Variants in ZFAND3 observed in about 807,000 individuals in gnomAD.
ZFAND3 encodes AN1-type zinc finger protein 3.
Under a neutral mutation model 29.6 loss-of-function variants are expected in ZFAND3, and 10 were observed. The ratio of observed to expected loss-of-function variants is 0.34; its 90% confidence interval spans 0.21 to 0.57. The LOEUF is 0.57. Among genes scored for constraint, ZFAND3 ranks in the 20% least tolerant of loss-of-function variants. ZFAND3 has a pLI of 0.86. For synonymous variants in ZFAND3, 128 were observed against 112.6 expected (o/e 1.14, Z -0.87); for missense variants, 230 against 304.5 (o/e 0.76, Z 1.82).
intron 1 of ZFAND3, among the ~76,000 whole-genome samples, chr6:37,896,255 AAAC>A (rs1765201067): frequency 6.6e-6 from 1 of 152,050 alleles, no homozygotes; most frequent in Non-Finnish European, 1.5e-5. Flanking sequence ...GTTTTACAAA[AAAC>A]CGTGGATGAA....
chr6:38,106,923 A>G (rs1765222518), intron 4 of ZFAND3, among the ~76,000 whole-genome samples: 1 of 152,204 alleles, frequency 6.6e-6, no homozygotes, highest in African/African-American at 2.4e-5. Context: ...AACTGGGAAT[A>G]TTATTGCACT....
chr6:37,878,537 G>T (rs546182233), intron 1 of ZFAND3, among the ~76,000 whole-genome samples: 1 of 152,170 alleles, frequency 6.6e-6, no homozygotes, highest in Non-Finnish European at 1.5e-5. Context: ...GCTTGGCATA[G>T]CCCTGCCCCT....
chr6:37,874,037 T>G (rs1046066960), intron 1 of ZFAND3, among the ~76,000 whole-genome samples: 1 of 152,192 alleles, frequency 6.6e-6, no homozygotes, highest in Non-Finnish European at 1.5e-5. Context: ...AACAGAAATT[T>G]ATTGTCTCAT....
At chr6:38,137,775 T>C (rs1765870314) in intron 5 of ZFAND3, among the ~76,000 whole-genome samples, 2 of 150,864 alleles carry the variant, frequency 1.3e-5, no homozygotes, top group Admixed American at 6.6e-5. Flanking sequence ...ATTCAGAGAG[T>C]TGGGAGAGCA....
chr6:38,091,972 A>C (rs1321274892), intron 4 of ZFAND3, among the ~76,000 whole-genome samples: 1 of 152,094 alleles, frequency 6.6e-6, no homozygotes, highest in East Asian at 1.9e-4. Flanking sequence ...TCTTGCTGCT[A>C]GCTTCCAAGA....
intron 3 of ZFAND3, among the ~76,000 whole-genome samples, chr6:38,063,780 A>C (rs1307776101): frequency 6.6e-6 from 1 of 152,238 alleles, no homozygotes; most frequent in Non-Finnish European, 1.5e-5. Flanking sequence ...GACTTGAGAC[A>C]GTAGCCATGT....
Position 37,869,653 on chromosome 6 carries a change from C to T in ZFAND3, c.71+49637C>T, listed in dbSNP as rs118160865. 5.9e-5 allele frequency among the ~76,000 whole-genome samples: 9 copies of T among 151,614 alleles called. No individual in the cohort carries two copies. In the East Asian group the frequency reaches 1.8e-3, roughly 30 times the overall value. ...ACTCCTGAGTAGCTGGGACTACAGGCGCACACCATTGTGCCTGGCTATTAA... is the reference window on the plus strand; with the variant it reads ...ACTCCTGAGTAGCTGGGACTACAGGTGCACACCATTGTGCCTGGCTATTAA... On this transcript the variant is annotated intron_variant, in intron 1 of 5. Coordinates refer to ENST00000287218, the MANE Select transcript of ZFAND3 (RefSeq NM_021943.3).
chr6:37,888,353 T>G (rs1204743266), intron 1 of ZFAND3, among the ~76,000 whole-genome samples: 1 of 152,190 alleles, frequency 6.6e-6, no homozygotes, highest in Non-Finnish European at 1.5e-5. Context: ...CTGAAGTAGT[T>G]TAATGAAGTC....
intron 1 of ZFAND3, among the ~76,000 whole-genome samples, chr6:37,881,560 C>T (rs1054441830): frequency 6.6e-6 from 1 of 152,180 alleles, no homozygotes; most frequent in African/African-American, 2.4e-5. Context: ...AATCTTTAAT[C>T]TCTCCACAGG....
At chr6:38,050,386 T>C (rs1178680768) in intron 2 of ZFAND3, among the ~76,000 whole-genome samples, 1 of 152,092 alleles carries the variant, frequency 6.6e-6, no homozygotes, top group East Asian at 1.9e-4. Context: ...CCAGGTGATA[T>C]GGTTTGGCTG....
intron 5 of ZFAND3, among the ~76,000 whole-genome samples, chr6:38,142,540 G>C (rs1765984454): frequency 6.6e-6 from 1 of 152,224 alleles, no homozygotes; most frequent in African/African-American, 2.4e-5. Flanking sequence ...GTAGGAGACT[G>C]CTCTGTTTGA....
At chr6:37,998,497 A>G (rs12208155) in intron 2 of ZFAND3, among the ~76,000 whole-genome samples, 2,874 of 152,036 alleles carry the variant, frequency 0.019, 35 homozygotes, top group Non-Finnish European at 0.028. Flanking sequence ...TGTTTTAAAA[A>G]CAGACTATTA....
At chr6:38,028,455 A>C (rs1763489580) in intron 2 of ZFAND3, among the ~76,000 whole-genome samples, 1 of 151,812 alleles carries the variant, frequency 6.6e-6, no homozygotes, top group Non-Finnish European at 1.5e-5. Flanking sequence ...GTGTCTTATC[A>C]CAACCTTGGT....
chr6:37,896,534 C>CTTTCTTTCTTTCTT (rs1765211715), intron 1 of ZFAND3, among the ~76,000 whole-genome samples: 1 of 119,648 alleles, frequency 8.4e-6, no homozygotes, highest in Non-Finnish European at 1.7e-5. Context: ...TTCTTTCTTT[C>CTTTCTTTCTTTCTT]TTTCTTTCTT....
chr6:37,883,216 CTT>C (rs2127392872), intron 1 of ZFAND3, among the ~76,000 whole-genome samples: 1 of 152,272 alleles, frequency 6.6e-6, no homozygotes, highest in South Asian at 2.1e-4. Context: ...GAATGAGACT[CTT>C]TTTGTACAAA....
intron 1 of ZFAND3, among the ~76,000 whole-genome samples, chr6:37,905,850 A>G (rs1434829974): frequency 1.3e-5 from 2 of 152,216 alleles, no homozygotes; most frequent in South Asian, 4.1e-4. Flanking sequence ...AATTCAAAAA[A>G]AGTTGCTAGC....
At chr6:38,039,218 T>G (rs1763714794) in intron 2 of ZFAND3, among the ~76,000 whole-genome samples, 1 of 152,202 alleles carries the variant, frequency 6.6e-6, no homozygotes, top group South Asian at 2.1e-4. Flanking sequence ...ATCTGCTTCC[T>G]TACTAAAGGA....
chr6:37,922,443 T>G (rs1761400875), intron 1 of ZFAND3, among the ~76,000 whole-genome samples: 1 of 152,192 alleles, frequency 6.6e-6, no homozygotes, highest in South Asian at 2.1e-4. Flanking sequence ...AAATGTAAAT[T>G]GAAAAAATGA....
In ZFAND3 at chr6:38,017,589, G is replaced by C. The variant is rs529728452; in HGVS notation, c.113-44004G>C. Among the ~76,000 whole-genome samples, 15 of 151,990 alleles carry C rather than the reference G, an allele frequency of 9.9e-5. No homozygotes were observed. In the South Asian group the frequency reaches 2.9e-3, roughly 30 times the overall value. On this transcript the variant is annotated intron_variant, in intron 2 of 5. Coordinates refer to ENST00000287218, the MANE Select transcript of ZFAND3 (RefSeq NM_021943.3). ...AAACTGTAAACAATGTTCTTAAAGCGGTAAAGGGAATATACATTTTTAGAA... is the reference window on the plus strand; with the variant it reads ...AAACTGTAAACAATGTTCTTAAAGCCGTAAAGGGAATATACATTTTTAGAA...
Sources: allele counts gnomAD v4.1 joint callset (sites outside exome capture counted in the v4.1 genomes callset), GRCh38; gene constraint gnomAD v4.1.1; transcripts MANE v1.5; gene names NCBI Gene and HGNC (gene_info 2026-07-23, HGNC 2026-07-21).